ACACA: variants seen among roughly 807,000 people sequenced by gnomAD.
ACACA encodes the protein acetyl-CoA carboxylase 1.
Under a neutral mutation model 296.1 loss-of-function variants are expected in ACACA, and 103 were observed. That is an observed-to-expected ratio of 0.35 (90% confidence interval 0.30 to 0.41). ACACA has a LOEUF of 0.41. Among genes scored for constraint, ACACA ranks in the 10% least tolerant of loss-of-function variants. ACACA has a pLI of 1.00. For synonymous variants in ACACA, 953 were observed against 1,038.6 expected (o/e 0.92, Z 1.58); for missense variants, 1,554 against 2,989.7 (o/e 0.52, Z 11.20).
chr17:37,089,673 A>T (rs113870993), intron 54 of ACACA, among the ~76,000 whole-genome samples: 5 of 152,296 alleles, frequency 3.3e-5, no homozygotes, highest in Non-Finnish European at 5.9e-5. Context: ...CCTAAGCCCC[A>T]TTTTATTACC....
intron 45 of ACACA, 110 bp from the exon 46 acceptor site, chr17:37,130,328 A>T: frequency 7.3e-7 from 1 of 1,364,448 alleles, no homozygotes; most frequent in Non-Finnish European, 1.0e-6. Flanking sequence ...CAGAGATTTC[A>T]GTCTCCATGG....
At chr17:37,210,436 T>C in intron 30 of ACACA, 31 bp downstream of exon 30, 1 of 1,604,514 alleles carries the variant, frequency 6.2e-7, no homozygotes, top group Non-Finnish European at 8.5e-7. Flanking sequence ...AAAGGTGCTT[T>C]TAATTGGAAA....
At chr17:37,201,431 CAA>C (rs397946940) in intron 33 of ACACA, among the ~76,000 whole-genome samples, 3 of 133,718 alleles carry the variant, frequency 2.2e-5, no homozygotes, top group Non-Finnish European at 1.6e-5. Flanking sequence ...GAGACTGTCT[CAA>C]AAAAAAAAAA....
chr17:37,324,021 A>G (rs1199565875), intron 3 of ACACA, among the ~76,000 whole-genome samples: 2 of 152,008 alleles, frequency 1.3e-5, no homozygotes, highest in Non-Finnish European at 2.9e-5. Context: ...ACCTGAGGTC[A>G]GGGGTTCAAG....
At chr17:37,317,267 T>C (rs1015855588) in intron 3 of ACACA, among the ~76,000 whole-genome samples, 1 of 152,162 alleles carries the variant, frequency 6.6e-6, no homozygotes, top group Non-Finnish European at 1.5e-5. Context: ...TATGGAATGA[T>C]TGTATTCCTC....
chr17:37,112,886 T>C (rs1277792894), intron 51 of ACACA, among the ~76,000 whole-genome samples: 1 of 152,212 alleles, frequency 6.6e-6, no homozygotes, highest in African/African-American at 2.4e-5. Flanking sequence ...CCTTACAGTT[T>C]TTTTGGGTGC....
At chr17:37,208,094 T>G (rs2078588085) in intron 30 of ACACA, among the ~76,000 whole-genome samples, 1 of 152,160 alleles carries the variant, frequency 6.6e-6, no homozygotes, top group Admixed American at 6.5e-5. Flanking sequence ...TTATAAGATG[T>G]CCAATGAATG....
chr17:37,111,054 G>C (rs1173776000), intron 52 of ACACA, among the ~76,000 whole-genome samples: 3 of 152,092 alleles, frequency 2.0e-5, no homozygotes, highest in Non-Finnish European at 4.4e-5. Flanking sequence ...CTACTGTTTG[G>C]AAGCACACAG....
intron 47 of ACACA, 65 bp from the exon 48 acceptor site, chr17:37,125,859 C>G (rs1390929254): frequency 7.1e-7 from 1 of 1,413,800 alleles, no homozygotes. Context: ...TGTGCTGGAA[C>G]TGACGAATTT....
chr17:37,129,559 A>G, intron 46 of ACACA, 74 bp from the exon 47 acceptor site: 1 of 1,598,992 alleles, frequency 6.3e-7, no homozygotes, highest in South Asian at 1.1e-5. Context: ...AACAATAGTT[A>G]TAGACAAAGA....
intron 42 of ACACA, among the ~76,000 whole-genome samples, chr17:37,158,471 A>C (rs918713735): frequency 1.3e-5 from 2 of 151,882 alleles, no homozygotes; most frequent in African/African-American, 4.8e-5. Context: ...CTCTACAAAA[A>C]CCAAAATAAT....
chr17:37,200,458 A>G lies in ACACA; in HGVS notation c.4082T>C (p.Ile1361Thr). The G allele has an allele frequency of 6.2e-7, 1 of 1,613,510 alleles. No homozygotes were observed. The highest frequency in any genetic ancestry group is 8.5e-7 in the Non-Finnish European group (1 of 1,179,416). ...TGCAACCAGGAAAGTAAGGCGCCGGATCCCATGGTCAACCAGGGTAGCTTT... is the reference window on the plus strand; with the variant it reads ...TGCAACCAGGAAAGTAAGGCGCCGGGTCCCATGGTCAACCAGGGTAGCTTT... ...QNKATLVDHG[I>T]RRLTFLVAQK... The change falls in exon 34 of 56, where the codon ATC becomes ACC. Residue 1361 changes from isoleucine (I) to threonine (T), a missense_variant. By Grantham distance (89) the Ile-to-Thr change is moderately conservative. This residue lies in a region of ACACA where 179 missense variants were observed against 283.2 expected (regional missense o/e 0.63). Coordinates refer to ENST00000616317, the MANE Select transcript of ACACA (RefSeq NM_198834.3).
chr17:37,125,269 T>C (rs1466488927), intron 48 of ACACA, among the ~76,000 whole-genome samples: 3 of 152,108 alleles, frequency 2.0e-5, no homozygotes, highest in East Asian at 3.9e-4. Context: ...ATATAGTACA[T>C]TTGTCACTTA....
At chr17:37,357,805 T>A (rs1197996249) in intron 1 of ACACA, among the ~76,000 whole-genome samples, 2 of 152,092 alleles carry the variant, frequency 1.3e-5, no homozygotes, top group African/African-American at 4.8e-5. Flanking sequence ...ACCACAGAAA[T>A]CCTTCTCATC....
chr17:37,390,573 G>A (rs1414106891), intron 1 of ACACA, among the ~76,000 whole-genome samples: 1 of 149,482 alleles, frequency 6.7e-6, no homozygotes, highest in Non-Finnish European at 1.5e-5. Flanking sequence ...GTTGTGGTGA[G>A]CCGAGATTGC....
At chr17:37,316,503 G>GA in intron 3 of ACACA, among the ~76,000 whole-genome samples, 1 of 152,116 alleles carries the variant, frequency 6.6e-6, no homozygotes, top group East Asian at 1.9e-4. Context: ...TGTTTGGCTA[G>GA]ACACTAACAT....
At chr17:37,210,351 T>C in intron 30 of ACACA, 116 bp downstream of exon 30, 1 of 931,082 alleles carries the variant, frequency 1.1e-6, no homozygotes, top group East Asian at 2.4e-5. Context: ...AGCTCAGGAC[T>C]CCCTAGCAGA....
intron 48 of ACACA, chr17:37,122,844 T>C: frequency 1.6e-6 from 1 of 631,620 alleles, no homozygotes; most frequent in Non-Finnish European, 2.8e-6. Context: ...TCACTTCTAT[T>C]CGGAAATGTC....
intron 47 of ACACA, 108 bp from the exon 48 acceptor site, chr17:37,125,902 G>T: frequency 9.8e-7 from 1 of 1,021,944 alleles, no homozygotes; most frequent in Non-Finnish European, 1.5e-6. Flanking sequence ...TGGGGAGTTT[G>T]TTGTTTTTAA....
Sources: gnomAD v4.1 joint callset for allele counts (sites outside exome capture counted in the v4.1 genomes callset) on GRCh38, gnomAD v4.1.1 for gene constraint, gnomAD v4.1.1 regional missense constraint, MANE v1.5 for transcripts, NCBI Gene and HGNC (gene_info 2026-07-23, HGNC 2026-07-21) for gene names.